ARHGAP26: variants seen among roughly 807,000 people sequenced by gnomAD.
The protein encoded by ARHGAP26 is rho GTPase-activating protein 26.
ARHGAP26 carries 38 observed loss-of-function variants against 104.8 expected under a neutral mutation model. The observed-to-expected ratio is 0.36, with a 90% CI of 0.28 to 0.48. The LOEUF (loss-of-function observed/expected upper bound fraction) is 0.48, where lower values mean the gene tolerates loss of function less well. ARHGAP26 is among the 20% of genes least tolerant of loss of function. The probability of loss-of-function intolerance (pLI) is 0.99; values close to 1 mark genes in which losing one functional copy is unlikely to be tolerated. For synonymous variants in ARHGAP26, 341 were observed against 340.0 expected (o/e 1.00, Z -0.03); for missense variants, 704 against 947.9 (o/e 0.74, Z 3.38).
chr5:142,904,317 C>G lies in ARHGAP26; in HGVS notation c.832+648C>G, dbSNP rs891094174. Reference sequence around the variant, plus strand: ...ACCAGCCTGGGCAACATAGTGAAACCCTGTCTCTACAAAAATACAAAAAGT... The same window carrying G: ...ACCAGCCTGGGCAACATAGTGAAACGCTGTCTCTACAAAAATACAAAAAGT... On this transcript the variant is annotated intron_variant, in intron 8 of 22. Transcript: ENST00000645722. 3.3e-5 allele frequency among the ~76,000 whole-genome samples: 5 copies of G among 151,990 alleles called. No individual in the cohort carries two copies. The East Asian group carries it at 9.7e-4, about 30-fold the overall frequency.
intron 1 of ARHGAP26, among the ~76,000 whole-genome samples, chr5:142,838,426 A>G (rs894899675): frequency 1.3e-5 from 2 of 152,232 alleles, no homozygotes; most frequent in Admixed American, 1.3e-4. Flanking sequence ...AGTTAATTTT[A>G]TAATGAGATG....
chr5:143,002,463 G>A (rs1328785573), intron 11 of ARHGAP26, among the ~76,000 whole-genome samples: 1 of 152,112 alleles, frequency 6.6e-6, no homozygotes, highest in African/African-American at 2.4e-5. Flanking sequence ...TGGGAGGATG[G>A]GAGGTGGTCT....
chr5:143,092,034 C>T (rs1218509434), intron 17 of ARHGAP26, among the ~76,000 whole-genome samples: 1 of 152,128 alleles, frequency 6.6e-6, no homozygotes. Flanking sequence ...ATTCAGGAGG[C>T]CTAATTACTT....
At chr5:143,016,342 G>T (rs913376543) in intron 12 of ARHGAP26, among the ~76,000 whole-genome samples, 3 of 152,110 alleles carry the variant, frequency 2.0e-5, no homozygotes, top group Non-Finnish European at 4.4e-5. Context: ...GCTTGCCTTG[G>T]GTGTCTAATG....
At chr5:143,016,476 G>A (rs368583515) in intron 12 of ARHGAP26, among the ~76,000 whole-genome samples, 5 of 152,140 alleles carry the variant, frequency 3.3e-5, no homozygotes, top group South Asian at 2.1e-4. Context: ...AGGCCGAGGC[G>A]GGCGGATCAC....
At chr5:142,978,472 G>A (rs1030331133) in intron 11 of ARHGAP26, among the ~76,000 whole-genome samples, 2 of 152,172 alleles carry the variant, frequency 1.3e-5, no homozygotes, top group Non-Finnish European at 2.9e-5. Flanking sequence ...GGAAACCGAA[G>A]CACCAGTATA....
At chr5:143,211,592 T>G (rs1451994408) in intron 21 of ARHGAP26, among the ~76,000 whole-genome samples, 21 of 151,982 alleles carry the variant, frequency 1.4e-4, no homozygotes, top group African/African-American at 4.6e-4. Context: ...TTTTTTTTTT[T>G]TGAGCCAGGG....
intron 11 of ARHGAP26, among the ~76,000 whole-genome samples, chr5:142,950,350 C>T (rs1408827035): frequency 6.6e-6 from 1 of 151,816 alleles, no homozygotes; most frequent in Non-Finnish European, 1.5e-5. Context: ...AGTGTATATA[C>T]TTTCCTTTTT....
At chr5:142,853,289 A>AT (rs1266524851) in intron 1 of ARHGAP26, among the ~76,000 whole-genome samples, 2 of 151,954 alleles carry the variant, frequency 1.3e-5, no homozygotes, top group African/African-American at 2.4e-5. Context: ...GGCTCAAGTG[A>AT]TCCCCCTACC....
At chr5:142,802,238 C>T (rs1385808529) in intron 1 of ARHGAP26, among the ~76,000 whole-genome samples, 1 of 152,192 alleles carries the variant, frequency 6.6e-6, no homozygotes, top group Non-Finnish European at 1.5e-5. Flanking sequence ...ATTTCGTTTT[C>T]ATTTTATTCT....
chr5:143,003,551 A>T (rs957393139), intron 11 of ARHGAP26, among the ~76,000 whole-genome samples: 43 of 152,330 alleles, frequency 2.8e-4, no homozygotes, highest in Admixed American at 2.4e-3. Flanking sequence ...ATTAACCTTG[A>T]TTGGAGATTG....
chr5:142,812,053 G>A (rs1298406422), intron 1 of ARHGAP26, among the ~76,000 whole-genome samples: 2 of 152,034 alleles, frequency 1.3e-5, no homozygotes, highest in East Asian at 1.9e-4. Context: ...CCTGGATGAC[G>A]TTTTTTGGAA....
intron 1 of ARHGAP26, among the ~76,000 whole-genome samples, chr5:142,808,235 G>A (rs1381581892): frequency 4.4e-5 from 2 of 45,864 alleles, no homozygotes; most frequent in Non-Finnish European, 6.4e-5. Flanking sequence ...ACATTGTCTC[G>A]GAAAAAAAAA....
intron 17 of ARHGAP26, among the ~76,000 whole-genome samples, chr5:143,067,955 G>C (rs1256161580): frequency 4.6e-5 from 7 of 152,204 alleles, no homozygotes; most frequent in Non-Finnish European, 8.8e-5. Flanking sequence ...CTTGAGGCCG[G>C]GAGTTCGAGA....
At chr5:142,834,035 C>A (rs1443141381) in intron 1 of ARHGAP26, among the ~76,000 whole-genome samples, 1 of 152,162 alleles carries the variant, frequency 6.6e-6, no homozygotes. Context: ...TATGTTATAT[C>A]GGGGTGCTTC....
At chr5:143,122,460 A>G (rs1230644038) in intron 18 of ARHGAP26, among the ~76,000 whole-genome samples, 1 of 152,262 alleles carries the variant, frequency 6.6e-6, no homozygotes, top group Non-Finnish European at 1.5e-5. Context: ...AACTTCCTGC[A>G]TTCCCTTTTC....
chr5:143,082,610 A>G (rs916309864), intron 17 of ARHGAP26, among the ~76,000 whole-genome samples: 2 of 152,216 alleles, frequency 1.3e-5, no homozygotes, highest in Admixed American at 6.5e-5. Flanking sequence ...CACTGCTACC[A>G]AGTTTCAAAG....
At chr5:142,913,819 A>T (rs117342265) in intron 10 of ARHGAP26, among the ~76,000 whole-genome samples, 1 of 152,258 alleles carries the variant, frequency 6.6e-6, no homozygotes, top group African/African-American at 2.4e-5. Context: ...TGAAATCACA[A>T]TTTTTTGGAG....
At chr5:142,902,822 A>T (rs907302624) in intron 7 of ARHGAP26, among the ~76,000 whole-genome samples, 1 of 152,206 alleles carries the variant, frequency 6.6e-6, no homozygotes, top group East Asian at 1.9e-4. Context: ...GTTTCTCAGA[A>T]TGCAGGCTCT....
Sources: gnomAD v4.1 joint callset for allele counts (sites outside exome capture counted in the v4.1 genomes callset) on GRCh38, gnomAD v4.1.1 for gene constraint, MANE v1.5 for transcripts, NCBI Gene and HGNC (gene_info 2026-07-23, HGNC 2026-07-21) for gene names.